The following ERO1A variants were observed in gnomAD, a reference collection of about 807,000 sequenced individuals.
The protein encoded by ERO1A is ERO1-like protein alpha.
In ERO1A, 49 loss-of-function variants were observed where a neutral mutation model predicts 76.9. That is an observed-to-expected ratio of 0.64 (90% confidence interval 0.51 to 0.81). The LOEUF (loss-of-function observed/expected upper bound fraction) is 0.81, where lower values mean the gene tolerates loss of function less well. Among genes scored for constraint, ERO1A ranks in the 30% least tolerant of loss-of-function variants. The pLI, the probability that ERO1A is intolerant of heterozygous loss-of-function variation, is 0.00. For synonymous variants in ERO1A, 174 were observed against 181.2 expected (o/e 0.96, Z 0.32); for missense variants, 448 against 542.1 (o/e 0.83, Z 1.72).
chr14:52,666,522 C>T (rs761116170), intron 6 of ERO1A, 27 bp from the exon 7 acceptor site: 10 of 1,581,672 alleles, frequency 6.3e-6, no homozygotes, highest in Admixed American at 1.9e-5. Context: ...CTTATTAAAC[C>T]TTTCTTATCC....
intron 1 of ERO1A, 75 bp downstream of exon 1, chr14:52,695,290 TCAC>T: frequency 1.0e-6 from 1 of 990,922 alleles, no homozygotes; most frequent in Non-Finnish European, 1.3e-6. Flanking sequence ...CCCCAGCCGC[TCAC>T]CCGCCAGGGC....
rs146241216 is a variant in ERO1A at position 52,683,824 on chromosome 14, T to C, written c.198A>G (p.Gln66=). Residue 66 remains glutamine, a synonymous_variant, in exon 2 of 16, where the codon CAA becomes CAG. Transcript: ENST00000395686. ...FNNYRLFPRL[Q]KLLESDYFRY... is the part of the protein sequence containing the mutation. Reference sequence around the variant, plus strand: ...TAAAGTAGTCACTTTCAAGAAGTTTTTGTAGTCTTGGGAAAAGCCTGTAGT... The same window carrying C: ...TAAAGTAGTCACTTTCAAGAAGTTTCTGTAGTCTTGGGAAAAGCCTGTAGT... The C allele has an allele frequency of 2.6e-6, 4 of 1,559,372 alleles. No individual in the cohort carries two copies. The highest frequency in any genetic ancestry group is 2.7e-5 in the African/African-American group (2 of 74,044).
chr14:52,672,156 A>C, intron 4 of ERO1A: 1 of 217,496 alleles, frequency 4.6e-6, no homozygotes, highest in Non-Finnish European at 9.1e-6. Flanking sequence ...AATACAAAAA[A>C]TTAGCAGGGC....
Position 52,641,506 on chromosome 14 carries a change from C to A in ERO1A, c.*2064G>T, listed in dbSNP as rs2039473558. On this transcript the variant is annotated 3_prime_UTR_variant, in exon 16 of 16. Transcript: ENST00000395686. ...GCGGGCGCCTGTAGTCCCAGCTACTCAGGGGGCTGAGGCAGAAGAATGGCG... is the reference window on the plus strand; with the variant it reads ...GCGGGCGCCTGTAGTCCCAGCTACTAAGGGGGCTGAGGCAGAAGAATGGCG... 1 of 151,656 alleles carries A rather than the reference C, an allele frequency of 6.6e-6. No homozygotes were observed. The allele number at this position is 151,656 out of a possible 1,614,324, so 9.4% of individuals were successfully genotyped here.
chr14:52,692,754 G>A (rs2041394850), intron 1 of ERO1A, among the ~76,000 whole-genome samples: 1 of 152,012 alleles, frequency 6.6e-6, no homozygotes. Context: ...GTGCAGAGTG[G>A]TTACACTTGT....
chr14:52,689,177 C>T (rs911135405), intron 1 of ERO1A, among the ~76,000 whole-genome samples: 1 of 152,192 alleles, frequency 6.6e-6, no homozygotes, highest in Non-Finnish European at 1.5e-5. Context: ...TGGTCTCAAA[C>T]TCCTGACCTC....
At chr14:52,653,584 G>T (rs1454517934) in intron 11 of ERO1A, among the ~76,000 whole-genome samples, 2 of 151,774 alleles carry the variant, frequency 1.3e-5, no homozygotes, top group Non-Finnish European at 2.9e-5. Flanking sequence ...TTTTGCAGGT[G>T]CATAGTATCT....
rs745634490 is a variant in ERO1A, at chr14:52,642,987, C to G, written c.*583G>C. On this transcript the variant is annotated 3_prime_UTR_variant, in exon 16 of 16. Coordinates refer to ENST00000395686, the MANE Select transcript of ERO1A (RefSeq NM_014584.3). ...GGATTGCCAGATAAAATACAAGACT[C>G]CCAGTTAAATTTGAATTTCAAACAA... is the stretch of plus-strand genomic sequence containing the variant. The G allele has an allele frequency of 3.3e-5, 5 of 152,484 alleles. No individual in the cohort carries two copies. Among genetic ancestry groups the G allele is most frequent in the Non-Finnish European group, 5.9e-5 (4 of 68,002 alleles). 9.4% of individuals were successfully genotyped at this position (152,484 alleles called of 1,614,324 possible).
intron 7 of ERO1A, among the ~76,000 whole-genome samples, chr14:52,665,852 G>A (rs1030874431): frequency 1.3e-5 from 2 of 152,038 alleles, no homozygotes; most frequent in Non-Finnish European, 2.9e-5. Context: ...TGCAACACAG[G>A]GTTATTGCAA....
chr14:52,683,364 C>T (rs11621193), intron 2 of ERO1A, among the ~76,000 whole-genome samples: 22,801 of 152,130 alleles, frequency 0.15, 1,930 homozygotes, highest in African/African-American at 0.23. Context: ...CTCCATTGAT[C>T]AGGTTTTCTA....
rs537251032 is a variant in ERO1A, at chr14:52,671,459, T to A, written c.508+171A>T. On this transcript the variant is annotated intron_variant, in intron 6 of 15. Coordinates refer to ENST00000395686, the MANE Select transcript of ERO1A (RefSeq NM_014584.3). Reference sequence around the variant, plus strand: ...AACTTTTTTCTGAGATGGGTCTTACTATGTTGCCCAGTCTGGATTCAAATA... The same window carrying A: ...AACTTTTTTCTGAGATGGGTCTTACAATGTTGCCCAGTCTGGATTCAAATA... 2,756 of 505,758 alleles carry A rather than the reference T, an allele frequency of 5.4e-3. 7 individuals carry two copies. Among genetic ancestry groups the A allele is most frequent in the South Asian group, 0.015 (384 of 25,926 alleles). 31.3% of individuals were successfully genotyped at this position (505,758 alleles called of 1,614,324 possible). A position where few individuals can be genotyped will look rare whatever the true frequency, so the allele number is the denominator to read the frequency against.
intron 9 of ERO1A, chr14:52,658,432 TA>T (rs1374839882): frequency 3.6e-6 from 1 of 281,518 alleles, no homozygotes; most frequent in African/African-American, 2.2e-5. Flanking sequence ...GAGGTCAAAA[TA>T]CAGAATTTAA....
rs978429159 is a variant in ERO1A, at chr14:52,665,040, C to T, written c.630-1193G>A. On this transcript the variant is annotated intron_variant, in intron 7 of 15. Transcript: ENST00000395686. Reference sequence around the variant, plus strand: ...CAGCACTTTGGGCATGGTGGCTCACCCCTGTAATCCCAGCACTTTGGGAGG... The same window carrying T: ...CAGCACTTTGGGCATGGTGGCTCACTCCTGTAATCCCAGCACTTTGGGAGG... 7.3e-5 allele frequency among the ~76,000 whole-genome samples: 11 copies of T among 150,382 alleles called. No homozygotes were observed. The Admixed American group carries it at 7.7e-4, about 11-fold the overall frequency.
rs762072462 is a variant in ERO1A, at chr14:52,646,125, C to G, written c.1346+29G>C. 3.8e-6 allele frequency: 6 copies of G among 1,587,660 alleles called. No individual in the cohort carries two copies. The Admixed American group carries it at 9.0e-5, about 24-fold the overall frequency. ...TGTTGCATTAGACTTACTTGGCTAC[C>G]AGAAGCATTTCAGTACATTCAAACT... On this transcript the variant is annotated intron_variant, in intron 15 of 15. Transcript: ENST00000395686.
intron 4 of ERO1A, chr14:52,678,172 A>G (rs75139893): frequency 0.3 from 76,998 of 259,104 alleles, 12,113 homozygotes; most frequent in South Asian, 0.45. Flanking sequence ...AGGCTGAGAC[A>G]AGAATCGCTT....
chr14:52,679,268 C>T (rs2040906387), intron 3 of ERO1A, among the ~76,000 whole-genome samples: 1 of 152,180 alleles, frequency 6.6e-6, no homozygotes, highest in South Asian at 2.1e-4. Flanking sequence ...CCAGTCTCTT[C>T]CCCATCTCCT....
intron 11 of ERO1A, among the ~76,000 whole-genome samples, chr14:52,656,846 A>G (rs1293935527): frequency 6.6e-6 from 1 of 152,128 alleles, no homozygotes; most frequent in Admixed American, 6.5e-5. Context: ...AAATCACTTG[A>G]GCTCAGGAGT....
rs76035440 is a variant in ERO1A at position 52,670,889 on chromosome 14, T to C, written c.508+741A>G. 6.0e-3 allele frequency among the ~76,000 whole-genome samples: 908 copies of C among 152,336 alleles called. 9 individuals are homozygous for C. The highest frequency in any genetic ancestry group is 0.021 in the African/African-American group (868 of 41,572). The stretch of plus-strand genomic sequence containing the variant: ...TTTACAGTTTAACCACATTTAAGTA[T>C]ACAATTCAGTGGGATTCATTATATT... On this transcript the variant is annotated intron_variant, in intron 6 of 15. Coordinates refer to ENST00000395686, the MANE Select transcript of ERO1A (RefSeq NM_014584.3).
At chr14:52,674,240 A>T (rs541389147) in intron 4 of ERO1A, among the ~76,000 whole-genome samples, 1 of 152,308 alleles carries the variant, frequency 6.6e-6, no homozygotes, top group South Asian at 2.1e-4. Flanking sequence ...CTGTCTCCCA[A>T]GCTGGAGTGC....
Sources: allele counts gnomAD v4.1 joint callset (sites outside exome capture counted in the v4.1 genomes callset), GRCh38; gene constraint gnomAD v4.1.1; transcripts MANE v1.5; gene names NCBI Gene and HGNC (gene_info 2026-07-23, HGNC 2026-07-21).